The following GRID2 variants were observed in gnomAD, a reference collection of about 807,000 sequenced individuals.
GRID2 encodes glutamate receptor ionotropic, delta-2.
GRID2 carries 33 observed loss-of-function variants against 114.8 expected under a neutral mutation model. The ratio of observed to expected loss-of-function variants is 0.29; its 90% CI spans 0.22 to 0.38. GRID2 has a LOEUF of 0.38. Among genes scored for constraint, GRID2 ranks in the 10% least tolerant of loss-of-function variants. The probability of loss-of-function intolerance (pLI) is 1.00; values close to 1 mark genes in which losing one functional copy is unlikely to be tolerated. For missense variants in GRID2, 1,184 were observed against 1,257.7 expected (o/e 0.94, Z 0.89); for synonymous variants, 505 against 449.9 (o/e 1.12, Z -1.55).
At chr4:92,581,442 A>C (rs1728181697) in intron 1 of GRID2, among the ~76,000 whole-genome samples, 2 of 152,030 alleles carry the variant, frequency 1.3e-5, no homozygotes, top group South Asian at 4.1e-4. Flanking sequence ...TTTCTCCCAC[A>C]TACTTCTGGA....
At chr4:92,472,428 A>G (rs1271422572) in intron 1 of GRID2, among the ~76,000 whole-genome samples, 1 of 152,108 alleles carries the variant, frequency 6.6e-6, no homozygotes, top group African/African-American at 2.4e-5. Context: ...TATGTTTTGA[A>G]ATTTTGGGTA....
intron 14 of GRID2, among the ~76,000 whole-genome samples, chr4:93,659,053 G>A (rs951099872): frequency 1.3e-5 from 2 of 152,080 alleles, no homozygotes; most frequent in Non-Finnish European, 2.9e-5. Context: ...CAGCAGCCCT[G>A]TCACCAGGAA....
At chr4:92,888,226 T>C (rs899436527) in intron 2 of GRID2, among the ~76,000 whole-genome samples, 2 of 152,158 alleles carry the variant, frequency 1.3e-5, no homozygotes, top group Non-Finnish European at 2.9e-5. Flanking sequence ...ATTCTAATTA[T>C]TAACTCCAGA....
chr4:92,461,225 A>G (rs1721479406), intron 1 of GRID2, among the ~76,000 whole-genome samples: 1 of 151,998 alleles, frequency 6.6e-6, no homozygotes, highest in African/African-American at 2.4e-5. Flanking sequence ...TATCGTAGGA[A>G]TGTTACATGG....
At chr4:93,495,255 A>G (rs1727412527) in intron 12 of GRID2, among the ~76,000 whole-genome samples, 1 of 151,846 alleles carries the variant, frequency 6.6e-6, no homozygotes, top group South Asian at 2.1e-4. Flanking sequence ...CTGATACAGA[A>G]AGAGATCCAT....
rs867581694 is a variant in GRID2, at chr4:92,720,983, C to G, written c.244+130697C>G. On this transcript the variant is annotated intron_variant, in intron 2 of 15. Coordinates refer to ENST00000282020, the MANE Select transcript of GRID2 (RefSeq NM_001510.4). ...TATTCTTGAGCCTTAAGAAGGAAGA[C>G]CATTCTGACACATCATACTGCAGTA... Among the ~76,000 whole-genome samples the G allele has an allele frequency of 2.6e-5, 4 of 152,136 alleles. No homozygotes were observed. The East Asian group carries it at 7.7e-4, about 29-fold the overall frequency.
intron 1 of GRID2, among the ~76,000 whole-genome samples, chr4:92,318,351 A>T (rs1726119493): frequency 1.9e-5 from 2 of 103,534 alleles, no homozygotes; most frequent in African/African-American, 4.0e-5. Context: ...ATCTGTTGTT[A>T]CTCTGCTCAC....
chr4:92,706,533 T>C (rs1734965766), intron 2 of GRID2, among the ~76,000 whole-genome samples: 1 of 152,044 alleles, frequency 6.6e-6, no homozygotes, highest in Non-Finnish European at 1.5e-5. Flanking sequence ...TGGTTATCCA[T>C]GGGAATGATG....
chr4:92,351,127 C>A (rs939217286), intron 1 of GRID2, among the ~76,000 whole-genome samples: 4 of 151,696 alleles, frequency 2.6e-5, no homozygotes, highest in African/African-American at 9.7e-5. Context: ...ATTAATGTTG[C>A]TATTAATATT....
intron 2 of GRID2, among the ~76,000 whole-genome samples, chr4:92,676,262 G>GC (rs11427482): frequency 1 from 149,676 of 149,682 alleles, 74,835 homozygotes; most frequent in Middle Eastern, 1. Flanking sequence ...CTCACTGCAA[G>GC]TCCGCCTCCC....
intron 2 of GRID2, among the ~76,000 whole-genome samples, chr4:92,612,331 T>A (rs1245480699): frequency 1.3e-5 from 2 of 151,518 alleles, no homozygotes; most frequent in African/African-American, 4.8e-5. Flanking sequence ...TTCCTGTCTT[T>A]ATGCTAGTAC....
chr4:93,313,764 T>C (rs1756276221), intron 8 of GRID2, among the ~76,000 whole-genome samples: 1 of 152,202 alleles, frequency 6.6e-6, no homozygotes, highest in South Asian at 2.1e-4. Flanking sequence ...AAAGCTATTA[T>C]GCAAAGAGCG....
chr4:92,905,382 A>T (rs1198310723), intron 2 of GRID2, among the ~76,000 whole-genome samples: 1 of 149,826 alleles, frequency 6.7e-6, no homozygotes, highest in Non-Finnish European at 1.5e-5. Context: ...AAATATAATA[A>T]CGTTAAAATT....
chr4:93,190,852 A>C (rs191943644), intron 4 of GRID2, among the ~76,000 whole-genome samples: 1 of 152,154 alleles, frequency 6.6e-6, no homozygotes, highest in Non-Finnish European at 1.5e-5. Context: ...CTTTATTCAT[A>C]AAGCAAGTTT....
intron 14 of GRID2, among the ~76,000 whole-genome samples, chr4:93,767,937 C>T (rs570678464): frequency 6.6e-6 from 1 of 152,286 alleles, no homozygotes; most frequent in East Asian, 1.9e-4. Flanking sequence ...CTTATCTGGA[C>T]AAATATACCT....
chr4:93,778,494 T>G (rs1198039896), downstream of GRID2, among the ~76,000 whole-genome samples: 1 of 147,702 alleles, frequency 6.8e-6, no homozygotes, highest in Non-Finnish European at 1.5e-5. Context: ...CCTCCTAGGC[T>G]CAGGCAATTC....
intron 2 of GRID2, among the ~76,000 whole-genome samples, chr4:92,773,910 T>A (rs1406844065): frequency 6.6e-6 from 1 of 152,140 alleles, no homozygotes. Context: ...ATTAAAAATA[T>A]ATATATTTAA....
At chr4:92,586,965 C>T (rs1728480210) in intron 1 of GRID2, among the ~76,000 whole-genome samples, 1 of 151,776 alleles carries the variant, frequency 6.6e-6, no homozygotes, top group African/African-American at 2.4e-5. Flanking sequence ...GAATATCAAC[C>T]TTTAGTGATG....
At chr4:92,995,059 C>T (rs1755118270) in intron 2 of GRID2, among the ~76,000 whole-genome samples, 1 of 152,116 alleles carries the variant, frequency 6.6e-6, no homozygotes, top group Non-Finnish European at 1.5e-5. Context: ...AAAAGGTTTG[C>T]CTTTGCCTTT....
Sources: allele counts gnomAD v4.1 joint callset (sites outside exome capture counted in the v4.1 genomes callset), GRCh38; gene constraint gnomAD v4.1.1; transcripts MANE v1.5; gene names NCBI Gene and HGNC (gene_info 2026-07-23, HGNC 2026-07-21).